Variants in NCAM1 observed in about 807,000 individuals in gnomAD.
NCAM1 encodes the protein antigen recognized by monoclonal antibody 5.1H11.
Under a neutral mutation model 109.8 loss-of-function variants are expected in NCAM1, and 14 were observed. The observed-to-expected ratio is 0.13, with a 90% confidence interval of 0.08 to 0.20. The LOEUF is 0.20. NCAM1 is among the 10% of genes least tolerant of loss of function. The probability of loss-of-function intolerance (pLI) is 1.00; values close to 1 mark genes in which losing one functional copy is unlikely to be tolerated. For missense variants in NCAM1, 774 were observed against 1,109.9 expected (o/e 0.70, Z 4.30); for synonymous variants, 418 against 442.9 (o/e 0.94, Z 0.70).
chr11:113,252,672 G>T (rs1945716879), intron 15 of NCAM1, among the ~76,000 whole-genome samples: 1 of 151,932 alleles, frequency 6.6e-6, no homozygotes, highest in South Asian at 2.1e-4. Flanking sequence ...GTCTCACTCT[G>T]TCACCCAGGC....
rs573506231 is a variant in NCAM1 at position 113,066,271 on chromosome 11, G to A, written c.52+104607G>A. 1.2e-4 allele frequency among the ~76,000 whole-genome samples: 19 copies of A among 152,164 alleles called. No individual in the cohort carries two copies. In the South Asian group the frequency reaches 1.9e-3, roughly 15 times the overall value. Reference sequence around the variant, plus strand: ...ATTCTCTAATTTTAATCTCGTAAATGTCCACATAAAGGTATTAAGATTGTT... The same window carrying A: ...ATTCTCTAATTTTAATCTCGTAAATATCCACATAAAGGTATTAAGATTGTT... On this transcript the variant is annotated intron_variant, in intron 1 of 19. Coordinates refer to ENST00000316851, the MANE Select transcript of NCAM1 (RefSeq NM_181351.5).
chr11:113,235,004 CT>C lies in NCAM1; in HGVS notation c.1694-25del, dbSNP rs782164179. 8 of 1,536,106 alleles carry C rather than the reference CT, an allele frequency of 5.2e-6. No homozygotes were observed. In the East Asian group the frequency reaches 2.0e-4, roughly 38 times the overall value. On this transcript the variant is annotated intron_variant, in intron 13 of 19. Transcript: ENST00000316851. ...GGCTGCACCATTTTAACAATAGACT[CT>C]TTTGTCATCCTTCCCATATTATAAC...
intron 1 of NCAM1, among the ~76,000 whole-genome samples, chr11:113,053,904 G>C (rs1953600188): frequency 6.6e-6 from 1 of 152,152 alleles, no homozygotes; most frequent in Admixed American, 6.5e-5. Flanking sequence ...GTTTTCCCAT[G>C]TCCGCCTTCT....
At chr11:113,042,258 A>G (rs1163741397) in intron 1 of NCAM1, among the ~76,000 whole-genome samples, 1 of 151,514 alleles carries the variant, frequency 6.6e-6, no homozygotes, top group Non-Finnish European at 1.5e-5. Context: ...AGATGTTATC[A>G]CCTCCTTTTC....
chr11:113,243,238 A>T (rs1037348380), intron 14 of NCAM1, among the ~76,000 whole-genome samples: 2 of 152,226 alleles, frequency 1.3e-5, no homozygotes, highest in Non-Finnish European at 2.9e-5. Context: ...GCAGTAGCAA[A>T]AAGACTGAGA....
At chr11:113,214,084 G>A (rs186919189) in intron 7 of NCAM1, among the ~76,000 whole-genome samples, 121 of 152,264 alleles carry the variant, frequency 7.9e-4, no homozygotes, top group African/African-American at 2.7e-3. Context: ...GTTTCCTCTC[G>A]AAGGCTCCAT....
rs1172574307 is a variant in NCAM1 at position 113,111,077 on chromosome 11, C to T, written c.53-91302C>T. Among the ~76,000 whole-genome samples, 3 of 152,184 alleles carry T rather than the reference C, an allele frequency of 2.0e-5. 1 individual carries two copies. The highest frequency in any genetic ancestry group is 4.4e-5 in the Non-Finnish European group (3 of 68,036). ...GATAAATAACCTGCCCAGTGTCACA[C>T]AACTCATAGCACAGCTGGGAGGTTT... On this transcript the variant is annotated intron_variant, in intron 1 of 19. Coordinates refer to ENST00000316851, the MANE Select transcript of NCAM1 (RefSeq NM_181351.5).
chr11:113,010,010 A>T (rs4294596), intron 1 of NCAM1, among the ~76,000 whole-genome samples: 68,376 of 151,628 alleles, frequency 0.45, 16,296 homozygotes, highest in East Asian at 0.8. Context: ...TCTTTGACTT[A>T]GGAAATTGAG....
intron 14 of NCAM1, among the ~76,000 whole-genome samples, chr11:113,242,328 T>G (rs1393663978): frequency 6.6e-6 from 1 of 152,190 alleles, no homozygotes; most frequent in Non-Finnish European, 1.5e-5. Flanking sequence ...CTTTTAAATA[T>G]GTATATTAAG....
chr11:113,168,609 C>T (rs1271872201), intron 1 of NCAM1, among the ~76,000 whole-genome samples: 28 of 152,156 alleles, frequency 1.8e-4, no homozygotes, highest in African/African-American at 5.8e-4. Flanking sequence ...TACTATCTTC[C>T]ACTTCTGTTT....
intron 1 of NCAM1, among the ~76,000 whole-genome samples, chr11:113,110,959 A>C (rs1371438202): frequency 1.1e-4 from 16 of 152,180 alleles, no homozygotes; most frequent in African/African-American, 2.9e-4. Flanking sequence ...CAGTGACCTA[A>C]TGCACATCCT....
intron 17 of NCAM1, among the ~76,000 whole-genome samples, chr11:113,268,110 T>C (rs1303728028): frequency 6.6e-6 from 1 of 152,072 alleles, no homozygotes; most frequent in East Asian, 1.9e-4. Flanking sequence ...AAGGCTAAAG[T>C]TTCTTCCCTG....
intron 1 of NCAM1, among the ~76,000 whole-genome samples, chr11:113,025,064 T>C (rs1259305254): frequency 6.6e-6 from 1 of 152,220 alleles, no homozygotes; most frequent in Non-Finnish European, 1.5e-5. Context: ...TTCCAGGAAA[T>C]GCTGTAGTCA....
chr11:113,262,900 C>T (rs1202969786), intron 17 of NCAM1: 1 of 1,613,910 alleles, frequency 6.2e-7, no homozygotes, highest in Admixed American at 1.7e-5. Context: ...CTTTTCTCTG[C>T]AGTGACTCTT....
At chr11:113,271,324 C>T (rs1346052877) in intron 18 of NCAM1, among the ~76,000 whole-genome samples, 1 of 126,704 alleles carries the variant, frequency 7.9e-6, no homozygotes. Flanking sequence ...GAACCAAGAT[C>T]ACGCCACTGC....
chr11:113,268,646 A>G (rs1946194105), intron 17 of NCAM1, among the ~76,000 whole-genome samples: 1 of 152,224 alleles, frequency 6.6e-6, no homozygotes, highest in Non-Finnish European at 1.5e-5. Flanking sequence ...GCCTGGACAG[A>G]GACCCCTGGG....
intron 1 of NCAM1, among the ~76,000 whole-genome samples, chr11:113,137,329 T>C (rs548045859): frequency 6.6e-6 from 1 of 152,338 alleles, no homozygotes; most frequent in South Asian, 2.1e-4. Context: ...ATAGACCTGG[T>C]AGTAAGTTAT....
intron 1 of NCAM1, among the ~76,000 whole-genome samples, chr11:113,180,368 A>G (rs1335995261): frequency 6.6e-6 from 1 of 152,252 alleles, no homozygotes; most frequent in Non-Finnish European, 1.5e-5. Context: ...GATTGGGCTT[A>G]TAGGTATCTC....
chr11:113,177,047 G>C (rs1178606477), intron 1 of NCAM1, among the ~76,000 whole-genome samples: 3 of 152,230 alleles, frequency 2.0e-5, no homozygotes, highest in African/African-American at 4.8e-5. Flanking sequence ...CTCCTCCATA[G>C]ACTTTCTTGC....
Sources: allele counts gnomAD v4.1 joint callset (sites outside exome capture counted in the v4.1 genomes callset), GRCh38; gene constraint gnomAD v4.1.1; transcripts MANE v1.5; gene names NCBI Gene and HGNC (gene_info 2026-07-23, HGNC 2026-07-21).